SPINK9: variants seen among roughly 807,000 people sequenced by gnomAD.
The protein encoded by SPINK9 is serine protease inhibitor Kazal-type 9.
A neutral mutation model predicts 10.8 loss-of-function variants in SPINK9; 3 were observed. That is an observed-to-expected ratio of 0.28 (90% CI 0.13 to 0.72). SPINK9 has a LOEUF of 0.72. Among genes scored for constraint, SPINK9 ranks in the 30% least tolerant of loss-of-function variants. The pLI is 0.74. For missense variants in SPINK9, 101 were observed against 103.2 expected (o/e 0.98, Z 0.09); for synonymous variants, 30 against 31.2 (o/e 0.96, Z 0.12).
chr5:148,336,430 T>A lies in SPINK9; in HGVS notation c.64T>A (p.Cys22Ser). 1.2e-6 allele frequency: 2 copies of A among 1,613,626 alleles called. No homozygotes were observed. The highest frequency in any genetic ancestry group is 1.7e-6 in the Non-Finnish European group (2 of 1,179,672). ...LTLATMFSIE[C>S]AKQTKQMVDC... ...CTTTGTTTTTCTTCCAGGTATAGAA[T>A]GTGCCAAACAGACGAAACAGATGGT... is the stretch of plus-strand genomic sequence containing the variant. The change falls in exon 2 of 4, where the codon TGT becomes AGT. Residue 22 changes from cysteine (C) to serine (S), a missense_variant. Cys to Ser is a moderately radical substitution (Grantham distance 112, BLOSUM62 -1). Coordinates refer to ENST00000377906, the MANE Select transcript of SPINK9 (RefSeq NM_001040433.2).
At chr5:148,332,941 A>T (rs1346007537), upstream of SPINK9, among the ~76,000 whole-genome samples, 2 of 151,734 alleles carry the variant, frequency 1.3e-5, no homozygotes, top group Non-Finnish European at 2.9e-5. Context: ...TTATACAGTA[A>T]TTTTTTTTTA....
intron 3 of SPINK9, 54 bp from the exon 4 acceptor site, chr5:148,339,613 A>C: frequency 6.6e-7 from 1 of 1,516,796 alleles, no homozygotes; most frequent in Non-Finnish European, 9.1e-7. Context: ...TTGGATGCTA[A>C]TGAAATGCCT....
intron 2 of SPINK9, among the ~76,000 whole-genome samples, chr5:148,324,266 G>A (rs375791181): frequency 1.3e-5 from 2 of 151,958 alleles, no homozygotes; most frequent in Admixed American, 1.3e-4. Flanking sequence ...ATACACATTC[G>A]TTTACATAGT....
chr5:148,339,461 GA>G (rs1423555668), intron 3 of SPINK9, among the ~76,000 whole-genome samples: 1 of 151,864 alleles, frequency 6.6e-6, no homozygotes, highest in East Asian at 1.9e-4. Context: ...TGTTTTCAGG[GA>G]TATAAATTGT....
intron 2 of SPINK9, among the ~76,000 whole-genome samples, chr5:148,330,183 G>C (rs1176599482): frequency 6.6e-6 from 1 of 152,132 alleles, no homozygotes; most frequent in Non-Finnish European, 1.5e-5. Flanking sequence ...ATGAATCTGG[G>C]TGCTCCTGTA....
intron 2 of SPINK9, among the ~76,000 whole-genome samples, chr5:148,328,335 T>C (rs1757097249): frequency 1.3e-5 from 2 of 152,212 alleles, no homozygotes; most frequent in Non-Finnish European, 2.9e-5. Context: ...ATGCTTGTGA[T>C]TTTTGTATAT....
At chr5:148,323,633 A>G (rs1350206282) in intron 1 of SPINK9, 2 of 531,486 alleles carry the variant, frequency 3.8e-6, no homozygotes, top group Non-Finnish European at 6.7e-6. Context: ...ACTTGCCGTC[A>G]TATGAATGTG....
chr5:148,323,737 G>C (rs1193137130), exon 2 of SPINK9: 1 of 692,984 alleles, frequency 1.4e-6, no homozygotes, highest in South Asian at 1.5e-5. Flanking sequence ...TGATCAATCA[G>C]CATTTGCATC....
chr5:148,336,932 T>A (rs1757225087), intron 2 of SPINK9, among the ~76,000 whole-genome samples: 1 of 152,164 alleles, frequency 6.6e-6, no homozygotes, highest in African/African-American at 2.4e-5. Flanking sequence ...AATCTAGGTG[T>A]GGTAGCAAAA....
Position 148,335,645 on chromosome 5 carries a change from C to T in SPINK9, c.32C>T (p.Ala11Val), listed in dbSNP as rs911049911. Residue 11 changes from alanine (A) to valine (V), a missense_variant, in exon 1 of 4, where the codon GCT (alanine) becomes GTT (valine). Transcript: ENST00000377906. Reference protein sequence around the residue: MRATAIVLLLALTLATMFSIE... With the variant: MRATAIVLLLVLTLATMFSIE... ...GCAACAGCCATAGTCCTACTCTTGG[C>T]TCTGACACTTGCAACCATGTTCAGT... 4 of 1,613,688 alleles carry T rather than the reference C, an allele frequency of 2.5e-6. No individual in the cohort carries two copies. The African/African-American group carries it at 4.0e-5, about 16-fold the overall frequency.
chr5:148,324,303 A>C (rs1055267999), intron 2 of SPINK9, among the ~76,000 whole-genome samples: 1 of 152,134 alleles, frequency 6.6e-6, no homozygotes, highest in Non-Finnish European at 1.5e-5. Context: ...TGGCCTATTG[A>C]GCTCAATAGT....
chr5:148,326,384 C>A (rs1457440096), intron 2 of SPINK9, among the ~76,000 whole-genome samples: 2 of 152,136 alleles, frequency 1.3e-5, no homozygotes, highest in Non-Finnish European at 2.9e-5. Flanking sequence ...AGCAATCCCA[C>A]TTCTGGGTAT....
upstream of SPINK9, among the ~76,000 whole-genome samples, chr5:148,333,972 C>T (rs1400216796): frequency 7.9e-5 from 12 of 152,088 alleles, no homozygotes; most frequent in Admixed American, 7.9e-4. Flanking sequence ...ATCACCTTTG[C>T]AGGGTGATTC....
upstream of SPINK9, among the ~76,000 whole-genome samples, chr5:148,333,090 T>C (rs985618875): frequency 2.6e-5 from 4 of 152,186 alleles, no homozygotes; most frequent in Admixed American, 1.3e-4. Flanking sequence ...TCTGGACTAG[T>C]GATCTTCCCA....
chr5:148,339,775 C>A lies in SPINK9; in HGVS notation c.*63C>A. Reference sequence around the variant, plus strand: ...TATTCACAAGAGTCACATTTCTGTTCCCATATTATCTATGCCACATTGCCT... The same window carrying A: ...TATTCACAAGAGTCACATTTCTGTTACCATATTATCTATGCCACATTGCCT... On this transcript the variant is annotated 3_prime_UTR_variant, in exon 4 of 4. Transcript: ENST00000377906. 1 of 1,387,676 alleles carries A rather than the reference C, an allele frequency of 7.2e-7. No individual in the cohort carries two copies. The highest frequency in any genetic ancestry group is 1.0e-6 in the Non-Finnish European group (1 of 977,980). 86.0% of individuals were successfully genotyped at this position (1,387,676 alleles called of 1,614,324 possible).
chr5:148,321,452 C>G (rs1197116315), intron 1 of SPINK9: 1 of 149,532 alleles, frequency 6.7e-6, no homozygotes, highest in Non-Finnish European at 1.5e-5. Context: ...ATGAGAATTT[C>G]TTAATTTTAT....
In SPINK9 at chr5:148,338,469, T is replaced by A; in HGVS notation, c.88-9T>A. On this transcript the variant is annotated splice_polypyrimidine_tract_variant and intron_variant, in intron 2 of 3. Coordinates refer to ENST00000377906, the MANE Select transcript of SPINK9 (RefSeq NM_001040433.2). The stretch of plus-strand genomic sequence containing the variant: ...GAAAGAGTTGAAGGTTTTTAATATG[T>A]TTTTTCAGGTTGACTGCAGTCATTA... The A allele has an allele frequency of 6.3e-7, 1 of 1,585,802 alleles. No individual in the cohort carries two copies. Among genetic ancestry groups the A allele is most frequent in the Non-Finnish European group, 8.5e-7 (1 of 1,171,350 alleles).
chr5:148,336,964 G>T (rs2113423623), intron 2 of SPINK9, among the ~76,000 whole-genome samples: 1 of 152,250 alleles, frequency 6.6e-6, no homozygotes, highest in East Asian at 1.9e-4. Flanking sequence ...TACTCAATTT[G>T]AGTTCCACTC....
At chr5:148,337,892 C>T (rs1757237621) in intron 2 of SPINK9, among the ~76,000 whole-genome samples, 1 of 152,062 alleles carries the variant, frequency 6.6e-6, no homozygotes, top group African/African-American at 2.4e-5. Context: ...GAATTGCCTA[C>T]CTACTTCCAC....
Sources: allele counts gnomAD v4.1 joint callset (sites outside exome capture counted in the v4.1 genomes callset), GRCh38; gene constraint gnomAD v4.1.1; transcripts MANE v1.5; gene names NCBI Gene and HGNC (gene_info 2026-07-23, HGNC 2026-07-21).